Variants in CENPI observed in about 807,000 individuals in gnomAD.
CENPI encodes FSH primary response 1.
In CENPI, 4 loss-of-function variants were observed where a neutral mutation model predicts 60.4. The ratio of observed to expected loss-of-function variants is 0.07; its 90% confidence interval spans 0.03 to 0.15. The LOEUF (loss-of-function observed/expected upper bound fraction) is 0.15, where lower values mean the gene tolerates loss of function less well. CENPI is among the 10% of genes least tolerant of loss of function. CENPI has a pLI of 1.00. For synonymous variants in CENPI, 157 were observed against 189.4 expected (o/e 0.83, Z 1.40); for missense variants, 444 against 534.5 (o/e 0.83, Z 1.67).
chrX:101,102,616 CT>C (rs2089433801), intron 4 of CENPI, among the ~76,000 whole-genome samples: 2 of 109,404 alleles, frequency 1.8e-5, no homozygotes, highest in Admixed American at 2.0e-4. Context: ...CCGCCTTGGC[CT>C]CTCAAAGTGC....
chrX:101,148,073 A>G lies in CENPI; in HGVS notation c.2006A>G (p.Glu669Gly). 1 of 1,180,019 alleles carries G rather than the reference A, an allele frequency of 8.5e-7. No individual in the cohort carries two copies. The highest frequency in any genetic ancestry group is 1.1e-6 in the Non-Finnish European group (1 of 884,116). Residue 669 changes from glutamate to glycine, a missense_variant, in exon 20 of 22, where the codon GAA becomes GGA. By Grantham distance (98) the Glu-to-Gly change is moderately conservative (BLOSUM62 -2). Coordinates refer to ENST00000682095, the MANE Select transcript of CENPI (RefSeq NM_001386188.2). ...KGIYIDPEIL[E>G]KTGVAEYKNS... Reference sequence around the variant, plus strand: ...ATATATATTGACCCTGAAATCCTAGAAAAAACTGGAGTGGCTGAATATAAA... The same window carrying G: ...ATATATATTGACCCTGAAATCCTAGGAAAAACTGGAGTGGCTGAATATAAA...
At chrX:101,171,768 A>G in the CENPI span, among the ~76,000 whole-genome samples, 2 of 111,775 alleles carry the variant, frequency 1.8e-5, no homozygotes, top group East Asian at 5.6e-4. Flanking sequence ...TATCGTTGTG[A>G]CATGGGGTGA....
chrX:101,173,314 CTT>C, the CENPI span, among the ~76,000 whole-genome samples: 4 of 50,485 alleles, frequency 7.9e-5, no homozygotes, highest in East Asian at 1.2e-3. Context: ...TGCCTGGCCT[CTT>C]TTTTTTTTTT....
chrX:101,115,102 T>C (rs1301134272), intron 6 of CENPI, among the ~76,000 whole-genome samples: 1 of 109,407 alleles, frequency 9.1e-6, no homozygotes, highest in African/African-American at 3.3e-5. Flanking sequence ...TAGCTGTGAT[T>C]ACAGGCCTGC....
the CENPI span, among the ~76,000 whole-genome samples, chrX:101,172,917 C>T: frequency 9.1e-6 from 1 of 110,384 alleles, no homozygotes; most frequent in Non-Finnish European, 1.9e-5. Context: ...TGATTATCTT[C>T]TGTCTCTTAC....
Position 101,139,132 on chromosome X carries a change from G to A in CENPI, c.1471-1534G>A, listed in dbSNP as rs1345804002. Among the ~76,000 whole-genome samples, 27 of 86,830 alleles carry A rather than the reference G, an allele frequency of 3.1e-4. 1 individual carries two copies. Among genetic ancestry groups the A allele is most frequent in the Admixed American group, 8.6e-4 (6 of 6,943 alleles). 75.4% of individuals were successfully genotyped at this position (86,830 alleles called of 115,157 possible). On this transcript the variant is annotated intron_variant, in intron 15 of 21. Coordinates refer to ENST00000682095, the MANE Select transcript of CENPI (RefSeq NM_001386188.2). ...TTTTGAGACAGTGTCTCACTCTGTC[G>A]GCCAGGCTGTAGTGCAGTGGCATGA...
At chrX:101,179,534 T>A in the CENPI span, among the ~76,000 whole-genome samples, 8 of 110,348 alleles carry the variant, frequency 7.2e-5, no homozygotes, top group African/African-American at 2.6e-4. Flanking sequence ...CTTTTTTTTT[T>A]TTTTGAGACG....
In CENPI at chrX:101,112,404, C is replaced by A. The variant is rs1265115068; in HGVS notation, c.591+2406C>A. Among the ~76,000 whole-genome samples, 3 of 111,788 alleles carry A rather than the reference C, an allele frequency of 2.7e-5. No homozygotes were observed. The East Asian group carries it at 8.4e-4, about 31-fold the overall frequency. ...TAAATTCATACATGGATAAAAGATC[C>A]ATTTAAAATACAAGATACATCAATG... On this transcript the variant is annotated intron_variant, in intron 6 of 21. Coordinates refer to ENST00000682095, the MANE Select transcript of CENPI (RefSeq NM_001386188.2).
In CENPI at chrX:101,122,648, C is replaced by T. The variant is rs146977481; in HGVS notation, c.687+1864C>T. Among the ~76,000 whole-genome samples, 163 of 110,823 alleles carry T rather than the reference C, an allele frequency of 1.5e-3. No homozygotes were observed. In the East Asian group the frequency reaches 0.017, roughly 12 times the overall value. ...ATCCCAGCACTTTGGGAGGCCGAGG[C>T]GGGCAGATCACGAGGTCAGGAGTTC... On this transcript the variant is annotated intron_variant, in intron 8 of 21. Transcript: ENST00000682095.
intron 16 of CENPI, among the ~76,000 whole-genome samples, chrX:101,141,482 G>A (rs1475503656): frequency 1.8e-5 from 2 of 110,858 alleles, no homozygotes; most frequent in Non-Finnish European, 3.8e-5. Flanking sequence ...TGGGATTACA[G>A]GCATGTGCCA....
chrX:101,127,753 T>G (rs2089751915), intron 11 of CENPI, 88 bp downstream of exon 11: 2 of 772,020 alleles, frequency 2.6e-6, no homozygotes, highest in Non-Finnish European at 3.7e-6. Context: ...TTTTGTTTTT[T>G]TGAGATAGGG....
At chrX:101,173,221 G>C in the CENPI span, among the ~76,000 whole-genome samples, 2 of 107,162 alleles carry the variant, frequency 1.9e-5, no homozygotes. Flanking sequence ...TCACCATGTT[G>C]GCCAGGATGG....
At chrX:101,105,247 G>A (rs7889315) in intron 4 of CENPI, among the ~76,000 whole-genome samples, 31,381 of 110,951 alleles carry the variant, frequency 0.28, 3,366 homozygotes, top group African/African-American at 0.37. Flanking sequence ...AGTAGGGGCC[G>A]GGTGCAGTGG....
At chrX:101,167,012 C>T (rs1299493240), downstream of CENPI, among the ~76,000 whole-genome samples, 3 of 112,759 alleles carry the variant, frequency 2.7e-5, no homozygotes, top group East Asian at 8.3e-4. Flanking sequence ...CCTTGGCCTC[C>T]CAAAGTGCTG....
At chrX:101,121,838 T>C (rs1164135104) in intron 8 of CENPI, among the ~76,000 whole-genome samples, 6 of 100,167 alleles carry the variant, frequency 6.0e-5, no homozygotes, top group Non-Finnish European at 1.2e-4. Flanking sequence ...AGTTTACCTC[T>C]GTTGCCTAGG....
At chrX:101,155,829 A>G (rs1165223422) in intron 20 of CENPI, among the ~76,000 whole-genome samples, 5 of 112,071 alleles carry the variant, frequency 4.5e-5, no homozygotes, top group Admixed American at 1.9e-4. Context: ...GTTAAAGCAT[A>G]TAAGTGACCA....
chrX:101,168,295 G>A (rs188684880), downstream of CENPI, among the ~76,000 whole-genome samples: 1 of 112,732 alleles, frequency 8.9e-6, no homozygotes, highest in East Asian at 2.8e-4. Context: ...GCCAGGCATG[G>A]TGGCTCACGC....
chrX:101,133,085 CT>C (rs752397950), intron 15 of CENPI, among the ~76,000 whole-genome samples: 87 of 107,171 alleles, frequency 8.1e-4, no homozygotes, highest in African/African-American at 2.7e-3. Context: ...TCTTTTATAA[CT>C]TTTTTTTTTA....
At chrX:101,162,473 A>AATATAT (rs1556409815) in intron 21 of CENPI, among the ~76,000 whole-genome samples, 35 of 68,099 alleles carry the variant, frequency 5.1e-4, no homozygotes, top group African/African-American at 1.0e-3. Context: ...AAAAAAAAAA[A>AATATAT]ATATATATAT....
Sources: allele counts gnomAD v4.1 joint callset (sites outside exome capture counted in the v4.1 genomes callset), GRCh38; gene constraint gnomAD v4.1.1; transcripts MANE v1.5; gene names NCBI Gene and HGNC (gene_info 2026-07-23, HGNC 2026-07-21).